SPOCK1: variants seen among roughly 807,000 people sequenced by gnomAD.
The protein encoded by SPOCK1 is testican-1.
In SPOCK1, 23 loss-of-function variants were observed where a neutral mutation model predicts 55.3. The observed-to-expected ratio is 0.42, with a 90% CI of 0.30 to 0.59. The LOEUF (loss-of-function observed/expected upper bound fraction) is 0.59. SPOCK1 is among the 20% of genes least tolerant of loss of function. SPOCK1 has a pLI of 0.22. For synonymous variants in SPOCK1, 226 were observed against 221.0 expected (o/e 1.02, Z -0.20); for missense variants, 499 against 552.5 (o/e 0.90, Z 0.97).
chr5:137,319,806 G>A (rs536782473), intron 2 of SPOCK1, among the ~76,000 whole-genome samples: 5 of 151,906 alleles, frequency 3.3e-5, no homozygotes, highest in South Asian at 4.2e-4. Flanking sequence ...TTAGCCAGGC[G>A]CGGTGGCGGG....
chr5:137,302,395 C>T (rs918560578), intron 2 of SPOCK1, among the ~76,000 whole-genome samples: 1 of 133,942 alleles, frequency 7.5e-6, no homozygotes, highest in Non-Finnish European at 1.6e-5. Flanking sequence ...CAGTGAAACC[C>T]CGTCTCTACT....
chr5:137,256,182 T>C (rs1274641388), intron 3 of SPOCK1, among the ~76,000 whole-genome samples: 2 of 152,198 alleles, frequency 1.3e-5, no homozygotes, highest in Non-Finnish European at 2.9e-5. Flanking sequence ...CTTGTGCATG[T>C]GTGCATGTAT....
chr5:137,114,912 C>T (rs1005154146), intron 4 of SPOCK1, among the ~76,000 whole-genome samples: 1 of 152,172 alleles, frequency 6.6e-6, no homozygotes, highest in African/African-American at 2.4e-5. Flanking sequence ...CAGACATAAC[C>T]ATGTAAAATG....
At chr5:137,364,867 G>T (rs1476864700) in intron 2 of SPOCK1, 1 of 152,170 alleles carries the variant, frequency 6.6e-6, no homozygotes, top group Non-Finnish European at 1.5e-5. Flanking sequence ...TTGTAAAATG[G>T]GGCTAATAAT....
chr5:137,192,098 C>T (rs1043839020), intron 3 of SPOCK1, among the ~76,000 whole-genome samples: 67 of 151,486 alleles, frequency 4.4e-4, no homozygotes, highest in African/African-American at 1.6e-3. Flanking sequence ...ATTAGCTGGG[C>T]GTGGCGGCGT....
intron 3 of SPOCK1, among the ~76,000 whole-genome samples, chr5:137,260,064 C>T (rs530187989): frequency 6.6e-6 from 1 of 152,314 alleles, no homozygotes; most frequent in Non-Finnish European, 1.5e-5. Context: ...ACTACCACAG[C>T]TCCCAAGGAC....
chr5:137,024,222 C>T (rs898889690), intron 6 of SPOCK1, among the ~76,000 whole-genome samples: 3 of 148,716 alleles, frequency 2.0e-5, no homozygotes, highest in African/African-American at 5.0e-5. Flanking sequence ...TGAGAGAGTG[C>T]GGCCGAGGGT....
chr5:137,335,732 G>A (rs1365190482), intron 2 of SPOCK1, among the ~76,000 whole-genome samples: 1 of 152,192 alleles, frequency 6.6e-6, no homozygotes, highest in Non-Finnish European at 1.5e-5. Flanking sequence ...GCCTTGCACA[G>A]GGAAAGCAAA....
chr5:137,161,289 T>C (rs188360554), intron 3 of SPOCK1, among the ~76,000 whole-genome samples: 13 of 151,864 alleles, frequency 8.6e-5, no homozygotes, highest in Non-Finnish European at 1.3e-4. Flanking sequence ...CTACTTTAAA[T>C]ATTCCAGGCC....
chr5:137,191,641 A>T (rs1373729310), intron 3 of SPOCK1, among the ~76,000 whole-genome samples: 1 of 152,222 alleles, frequency 6.6e-6, no homozygotes, highest in Non-Finnish European at 1.5e-5. Flanking sequence ...AGACAATATC[A>T]GTGGCCCATC....
intron 2 of SPOCK1, among the ~76,000 whole-genome samples, chr5:137,407,006 A>G (rs1402079861): frequency 6.6e-6 from 1 of 152,244 alleles, no homozygotes; most frequent in African/African-American, 2.4e-5. Context: ...TGAGTGGCCA[A>G]GCTGGGTCTT....
chr5:137,050,386 T>G (rs1278973197), intron 6 of SPOCK1, among the ~76,000 whole-genome samples: 15 of 145,858 alleles, frequency 1.0e-4, no homozygotes, highest in African/African-American at 3.0e-4. Flanking sequence ...AATATTCGGG[T>G]GGGAGTGACC....
intron 2 of SPOCK1, among the ~76,000 whole-genome samples, chr5:137,481,450 T>C (rs1190991653): frequency 2.0e-5 from 3 of 152,204 alleles, no homozygotes; most frequent in African/African-American, 4.8e-5. Flanking sequence ...GTCAAAAATA[T>C]GGGAAGAAAA....
rs555138309 is a variant in SPOCK1 at position 137,054,365 on chromosome 5, T to C, written c.589+13350A>G. Among the ~76,000 whole-genome samples the C allele has an allele frequency of 3.3e-5, 5 of 152,342 alleles. No homozygotes were observed. The South Asian group carries it at 1.0e-3, about 32-fold the overall frequency. On this transcript the variant is annotated intron_variant, in intron 6 of 10. Transcript: ENST00000394945. ...GACTCCCTCTCAACAAGTCTTATCA[T>C]ATATAATTGAAGGCAAATAATAGAC...
intron 6 of SPOCK1, among the ~76,000 whole-genome samples, chr5:137,063,020 G>A (rs1004507597): frequency 1.3e-5 from 2 of 148,572 alleles, no homozygotes; most frequent in African/African-American, 5.0e-5. Context: ...GGATCATGAG[G>A]TCAGGAGATC....
chr5:137,300,245 T>C (rs904265211), intron 2 of SPOCK1, among the ~76,000 whole-genome samples: 1 of 152,218 alleles, frequency 6.6e-6, no homozygotes, highest in African/African-American at 2.4e-5. Flanking sequence ...TTTCCATTTT[T>C]CTGCTCAGAA....
At chr5:137,357,011 A>G (rs1236950) in intron 2 of SPOCK1, among the ~76,000 whole-genome samples, 31,917 of 149,714 alleles carry the variant, frequency 0.21, 3,488 homozygotes, top group South Asian at 0.27. Context: ...CAGGAACACA[A>G]AGGGAAGTTG....
intron 3 of SPOCK1, among the ~76,000 whole-genome samples, chr5:137,192,852 A>G (rs940978003): frequency 2.0e-5 from 3 of 152,252 alleles, no homozygotes; most frequent in Non-Finnish European, 4.4e-5. Context: ...AAATAATAGT[A>G]TGTAATGTTT....
intron 3 of SPOCK1, among the ~76,000 whole-genome samples, chr5:137,260,835 G>A (rs966550806): frequency 2.6e-4 from 39 of 152,202 alleles, no homozygotes; most frequent in African/African-American, 9.2e-4. Context: ...TTGTCACAAT[G>A]AAGAAACAGA....
Sources: gnomAD v4.1 joint callset for allele counts (sites outside exome capture counted in the v4.1 genomes callset) on GRCh38, gnomAD v4.1.1 for gene constraint, MANE v1.5 for transcripts, NCBI Gene and HGNC (gene_info 2026-07-23, HGNC 2026-07-21) for gene names.